The following GLIS3 variants were observed in gnomAD, a reference collection of about 807,000 sequenced individuals.
GLIS3 encodes GLIS family zinc finger 3.
GLIS3 carries 53 observed loss-of-function variants against 78.6 expected under a neutral mutation model. The observed-to-expected ratio is 0.67, with a 90% CI of 0.54 to 0.85. The LOEUF (loss-of-function observed/expected upper bound fraction) is 0.85. Among genes scored for constraint, GLIS3 ranks in the 40% least tolerant of loss-of-function variants. GLIS3 has a pLI of 0.00. For synonymous variants in GLIS3, 684 were observed against 509.9 expected (o/e 1.34, Z -4.60); for missense variants, 1,703 against 1,231.1 (o/e 1.38, Z -5.74).
chr9:4,354,789 C>A, the GLIS3 span, among the ~76,000 whole-genome samples: 1 of 152,190 alleles, frequency 6.6e-6, no homozygotes, highest in Non-Finnish European at 1.5e-5. Flanking sequence ...CTCAAAGAGT[C>A]ATTCCTTTGG....
the GLIS3 span, among the ~76,000 whole-genome samples, chr9:4,486,194 A>C: frequency 1.3e-5 from 2 of 152,198 alleles, no homozygotes; most frequent in Non-Finnish European, 2.9e-5. Flanking sequence ...CAATACCCCA[A>C]AATATGGCAT....
At chr9:3,861,084 G>A (rs907353003) in intron 8 of GLIS3, among the ~76,000 whole-genome samples, 3 of 152,088 alleles carry the variant, frequency 2.0e-5, no homozygotes, top group Non-Finnish European at 2.9e-5. Context: ...GATGCCTTCC[G>A]GGTGATCAAC....
At chr9:3,978,976 G>A (rs981134278) in intron 4 of GLIS3, among the ~76,000 whole-genome samples, 1 of 152,132 alleles carries the variant, frequency 6.6e-6, no homozygotes, top group Non-Finnish European at 1.5e-5. Flanking sequence ...ATTATCTGAT[G>A]TATACAGGAT....
At chr9:3,905,192 A>G (rs112962611) in intron 6 of GLIS3, among the ~76,000 whole-genome samples, 3,297 of 124,938 alleles carry the variant, frequency 0.026, 142 homozygotes, top group African/African-American at 0.093. Flanking sequence ...GGGTTTCACC[A>G]TGTTAGCTAG....
At chr9:4,168,413 A>G (rs953348795) in intron 2 of GLIS3, among the ~76,000 whole-genome samples, 4 of 152,210 alleles carry the variant, frequency 2.6e-5, no homozygotes, top group Admixed American at 1.3e-4. Flanking sequence ...TCCAAAACAG[A>G]CTACATCTGA....
intron 2 of GLIS3, among the ~76,000 whole-genome samples, chr9:4,137,289 C>G (rs1833472429): frequency 6.6e-6 from 1 of 152,144 alleles, no homozygotes; most frequent in Non-Finnish European, 1.5e-5. Flanking sequence ...TCGCATGAAT[C>G]ATGCAATCTC....
At chr9:4,096,412 T>C (rs1829953161) in intron 4 of GLIS3, among the ~76,000 whole-genome samples, 1 of 152,226 alleles carries the variant, frequency 6.6e-6, no homozygotes, top group Non-Finnish European at 1.5e-5. Flanking sequence ...AAGTAACACA[T>C]TCATCCTGCA....
intron 2 of GLIS3, among the ~76,000 whole-genome samples, chr9:4,335,021 G>A (rs1390848314): frequency 1.4e-5 from 2 of 143,300 alleles, no homozygotes; most frequent in Admixed American, 7.6e-5. Context: ...CCATTCTCCT[G>A]CCTCAGCCTC....
rs533018846 is a variant in GLIS3 at position 4,235,186 on chromosome 9, C to G, written c.388+50852G>C. Among the ~76,000 whole-genome samples, 222 of 151,912 alleles carry G rather than the reference C, an allele frequency of 1.5e-3. 1 individual carries two copies. Among genetic ancestry groups the G allele is most frequent in the African/African-American group, 5.1e-3 (213 of 41,402 alleles). ...TGGTGGCACCTGCCTGTAGTTCCAG[C>G]TACTCCGGAGGCTGAGGCAGGAGAA... On this transcript the variant is annotated intron_variant, in intron 2 of 10. Transcript: ENST00000381971.
At chr9:4,043,641 T>C (rs1825013971) in intron 4 of GLIS3, among the ~76,000 whole-genome samples, 1 of 152,130 alleles carries the variant, frequency 6.6e-6, no homozygotes, top group Admixed American at 6.5e-5. Flanking sequence ...CTGAGTTTGC[T>C]CCCAGGAAAA....
chr9:4,180,534 G>C (rs1817218132), intron 2 of GLIS3, among the ~76,000 whole-genome samples: 1 of 152,152 alleles, frequency 6.6e-6, no homozygotes, highest in Non-Finnish European at 1.5e-5. Flanking sequence ...CACATAGTTG[G>C]CACTCACCAA....
intron 2 of GLIS3, among the ~76,000 whole-genome samples, chr9:4,139,330 A>G (rs888026026): frequency 6.6e-6 from 1 of 152,178 alleles, no homozygotes; most frequent in Non-Finnish European, 1.5e-5. Context: ...TATCTGTTGG[A>G]TGAATAGGTA....
chr9:3,971,073 T>C (rs1588348413), intron 4 of GLIS3, among the ~76,000 whole-genome samples: 1 of 72,928 alleles, frequency 1.4e-5, no homozygotes, highest in Non-Finnish European at 2.7e-5. Flanking sequence ...GAAGGATTAA[T>C]TGAAGGAAGG....
chr9:4,117,891 G>T lies in GLIS3; in HGVS notation c.1587C>A (p.Arg529=). 6.2e-7 allele frequency: 1 copy of T among 1,614,108 alleles called. No homozygotes were observed. Among genetic ancestry groups the T allele is most frequent in the South Asian group, 1.1e-5 (1 of 91,066 alleles). The part of the protein sequence containing the change: ...RHIEKVHIDQ[R]KGEDFTCFWA... ...AGAAGCAAGTGAAGTCCTCCCCTTTGCGCTGGTCGATGTGGACCTTCTCGA... is the reference window on the plus strand; with the variant it reads ...AGAAGCAAGTGAAGTCCTCCCCTTTTCGCTGGTCGATGTGGACCTTCTCGA... The change falls in exon 4 of 11, where the codon CGC becomes CGA. Residue 529 remains arginine, a synonymous_variant. Transcript: ENST00000381971.
intron 4 of GLIS3, among the ~76,000 whole-genome samples, chr9:3,958,388 G>C (rs552559778): frequency 1.3e-5 from 2 of 152,250 alleles, no homozygotes; most frequent in South Asian, 4.2e-4. Flanking sequence ...TGAATCATTA[G>C]AGTTATTTTA....
At chr9:3,855,843 C>G (rs1165469645) in intron 9 of GLIS3, 166 bp downstream of exon 9, 6 of 749,868 alleles carry the variant, frequency 8.0e-6, no homozygotes, top group East Asian at 2.7e-5. Flanking sequence ...CAGGAAAATA[C>G]CATAGGATTT....
At chr9:4,117,428 A>C in intron 4 of GLIS3, among the ~76,000 whole-genome samples, 1 of 152,320 alleles carries the variant, frequency 6.6e-6, no homozygotes, top group African/African-American at 2.4e-5. Context: ...AAGCTTGCTG[A>C]TGTGCAATCT....
At chr9:4,389,773 T>C in the GLIS3 span, among the ~76,000 whole-genome samples, 2 of 152,192 alleles carry the variant, frequency 1.3e-5, no homozygotes, top group African/African-American at 4.8e-5. Flanking sequence ...AATAAGCAGA[T>C]GTCCAAGAGG....
chr9:4,042,457 G>C (rs1368334101), intron 4 of GLIS3, among the ~76,000 whole-genome samples: 1 of 152,126 alleles, frequency 6.6e-6, no homozygotes, highest in Non-Finnish European at 1.5e-5. Context: ...GGAATCATCT[G>C]TTCCAAAGAG....
Sources: allele counts gnomAD v4.1 joint callset (sites outside exome capture counted in the v4.1 genomes callset), GRCh38; gene constraint gnomAD v4.1.1; transcripts MANE v1.5; gene names NCBI Gene and HGNC (gene_info 2026-07-23, HGNC 2026-07-21).